NCAM2: variants seen among roughly 807,000 people sequenced by gnomAD.
NCAM2 encodes neural cell adhesion molecule 2, also known as N-CAM-2.
In NCAM2, 30 loss-of-function variants were observed where a neutral mutation model predicts 98.1. That is an observed-to-expected ratio of 0.31 (90% confidence interval 0.23 to 0.41). The LOEUF (loss-of-function observed/expected upper bound fraction) is 0.41, where lower values mean the gene tolerates loss of function less well. Ranked by LOEUF, NCAM2 falls within the 10% of genes least tolerant of loss-of-function variation. The pLI, the probability that NCAM2 is intolerant of heterozygous loss-of-function variation, is 1.00. For synonymous variants in NCAM2, 368 were observed against 342.4 expected, an observed-to-expected ratio of 1.07 and a Z score of -0.83; for missense variants, 867 against 1,005.8, an observed-to-expected ratio of 0.86 and a Z score of 1.87.
chr21:21,167,654 C>A (rs1003138481), intron 1 of NCAM2, among the ~76,000 whole-genome samples: 4 of 152,142 alleles, frequency 2.6e-5, no homozygotes, highest in South Asian at 2.1e-4. Flanking sequence ...CACTACAGAT[C>A]TTATGGACAT....
intron 1 of NCAM2, among the ~76,000 whole-genome samples, chr21:21,156,555 G>A (rs2067616973): frequency 6.6e-6 from 1 of 150,956 alleles, no homozygotes; most frequent in African/African-American, 2.4e-5. Flanking sequence ...TTTTACTATG[G>A]AAGTCAAGTG....
intron 1 of NCAM2, among the ~76,000 whole-genome samples, chr21:21,179,452 A>G (rs2032503113): frequency 6.6e-6 from 1 of 152,124 alleles, no homozygotes; most frequent in Non-Finnish European, 1.5e-5. Context: ...GCCTTAAGAA[A>G]TTGTTTTCTT....
intron 16 of NCAM2, among the ~76,000 whole-genome samples, chr21:21,513,947 C>A: frequency 6.6e-6 from 1 of 151,528 alleles, no homozygotes; most frequent in East Asian, 1.9e-4. Context: ...TTATAATGAC[C>A]TTATTCATCT....
At chr21:21,322,644 TA>T (rs1411175890) in intron 5 of NCAM2, among the ~76,000 whole-genome samples, 2 of 152,170 alleles carry the variant, frequency 1.3e-5, no homozygotes, top group Admixed American at 1.3e-4. Flanking sequence ...TTGGCTCAAA[TA>T]AATTTGAAGG....
intron 8 of NCAM2, among the ~76,000 whole-genome samples, chr21:21,357,308 T>C (rs2075517773): frequency 6.6e-6 from 1 of 152,146 alleles, no homozygotes; most frequent in South Asian, 2.1e-4. Flanking sequence ...GTAATTTGTT[T>C]CAGGCTGACA....
intron 5 of NCAM2, among the ~76,000 whole-genome samples, chr21:21,303,777 A>G (rs1453830361): frequency 9.2e-5 from 14 of 152,278 alleles, no homozygotes; most frequent in Non-Finnish European, 1.2e-4. Context: ...CATCCTCACC[A>G]AAACTTGACA....
At chr21:21,194,819 C>T (rs2068948978) in intron 1 of NCAM2, among the ~76,000 whole-genome samples, 1 of 152,112 alleles carries the variant, frequency 6.6e-6, no homozygotes, top group Non-Finnish European at 1.5e-5. Context: ...AATTACCTAA[C>T]ATCCATCACC....
In NCAM2 at chr21:21,182,744, C is replaced by T. The variant is rs79269380; in HGVS notation, c.56-97834C>T. 3.9e-4 allele frequency among the ~76,000 whole-genome samples: 60 copies of T among 152,220 alleles called. No individual in the cohort carries two copies. In the East Asian group the frequency reaches 0.011, roughly 28 times the overall value. ...ATCATACCCCAGTGCACTGGAAAGG[C>T]AATATCTTTCTAAAATATACTGTGG... On this transcript the variant is annotated intron_variant, in intron 1 of 17. Transcript: ENST00000400546.
chr21:21,100,976 A>G (rs1411752462), intron 1 of NCAM2, among the ~76,000 whole-genome samples: 1 of 151,766 alleles, frequency 6.6e-6, no homozygotes, highest in Non-Finnish European at 1.5e-5. Context: ...GACTCTGCCT[A>G]AATGTTCCCA....
At chr21:21,234,827 C>T (rs1015276251) in intron 1 of NCAM2, among the ~76,000 whole-genome samples, 2 of 151,882 alleles carry the variant, frequency 1.3e-5, no homozygotes, top group African/African-American at 4.8e-5. Flanking sequence ...TTGCTGTTAC[C>T]GTGCTGAGAA....
intron 8 of NCAM2, among the ~76,000 whole-genome samples, chr21:21,350,537 T>TC (rs2075306794): frequency 2.0e-5 from 3 of 152,182 alleles, no homozygotes; most frequent in African/African-American, 7.2e-5. Context: ...TAATAACCCT[T>TC]CCTTGCTTTG....
chr21:21,063,484 G>A (rs1220139202), intron 1 of NCAM2, among the ~76,000 whole-genome samples: 2 of 151,888 alleles, frequency 1.3e-5, no homozygotes, highest in Non-Finnish European at 2.9e-5. Context: ...GCCTCCCAAA[G>A]TGCTGGGATT....
intron 1 of NCAM2, among the ~76,000 whole-genome samples, chr21:21,164,288 G>C (rs1014803504): frequency 6.6e-6 from 1 of 152,108 alleles, no homozygotes; most frequent in Non-Finnish European, 1.5e-5. Context: ...TGAAAATAGA[G>C]TATTACAATT....
At chr21:21,368,274 T>C (rs754893526) in intron 8 of NCAM2, among the ~76,000 whole-genome samples, 28 of 151,874 alleles carry the variant, frequency 1.8e-4, no homozygotes, top group Non-Finnish European at 3.2e-4. Flanking sequence ...GAAATATTTC[T>C]TTTCTCTTTT....
chr21:21,015,466 T>C (rs2064288510), intron 1 of NCAM2, among the ~76,000 whole-genome samples: 1 of 152,214 alleles, frequency 6.6e-6, no homozygotes, highest in Non-Finnish European at 1.5e-5. Flanking sequence ...CACTGAAGGC[T>C]TAGATGATCC....
At chr21:21,094,191 T>G (rs1419209503) in intron 1 of NCAM2, among the ~76,000 whole-genome samples, 1 of 151,798 alleles carries the variant, frequency 6.6e-6, no homozygotes, top group East Asian at 1.9e-4. Context: ...AAATCAGAAC[T>G]TGAAAATTAA....
intron 10 of NCAM2, among the ~76,000 whole-genome samples, chr21:21,412,340 A>G (rs1257536908): frequency 6.6e-6 from 1 of 152,206 alleles, no homozygotes; most frequent in Non-Finnish European, 1.5e-5. Flanking sequence ...TTACCTTCTT[A>G]AAGATCCTAT....
At chr21:21,142,925 A>C (rs951116918) in intron 1 of NCAM2, among the ~76,000 whole-genome samples, 7 of 152,144 alleles carry the variant, frequency 4.6e-5, no homozygotes, top group Non-Finnish European at 1.5e-5. Flanking sequence ...TGTAGACAGC[A>C]ATTTTGGTTG....
In NCAM2 at chr21:21,303,856, A is replaced by G. The variant is rs2073801468; in HGVS notation, c.619+11615A>G. On this transcript the variant is annotated intron_variant, in intron 5 of 17. Transcript: ENST00000400546. ...GTTTCATGTTGTGGATTTAATTTGC[A>G]TTTCCCTAATGCCTCAGGATGTTAA... 2.0e-5 allele frequency among the ~76,000 whole-genome samples: 3 copies of G among 152,196 alleles called. No homozygotes were observed. The East Asian group carries it at 5.8e-4, about 29-fold the overall frequency.
Sources: allele counts gnomAD v4.1 joint callset (sites outside exome capture counted in the v4.1 genomes callset), GRCh38; gene constraint gnomAD v4.1.1; transcripts MANE v1.5; gene names NCBI Gene and HGNC (gene_info 2026-07-23, HGNC 2026-07-21).